GNRH1: variants seen among roughly 807,000 people sequenced by gnomAD.
GNRH1 encodes the protein gonadotropin releasing hormone 1.
Under a neutral mutation model 13.6 loss-of-function variants are expected in GNRH1, and 9 were observed. The observed-to-expected ratio is 0.66, with a 90% CI of 0.40 to 1.15. The LOEUF is 1.15. Ranked by LOEUF, GNRH1 falls within the 50% of genes most tolerant of loss-of-function variation. GNRH1 has a pLI of 0.01. For synonymous variants in GNRH1, 44 were observed against 40.1 expected, an observed-to-expected ratio of 1.10 and a Z score of -0.37; for missense variants, 116 against 110.8, an observed-to-expected ratio of 1.05 and a Z score of -0.21.
chr8:25,425,030 G>C (rs1056420502), upstream of GNRH1, among the ~76,000 whole-genome samples: 1 of 152,184 alleles, frequency 6.6e-6, no homozygotes, highest in Non-Finnish European at 1.5e-5. Flanking sequence ...GGAACAGAAA[G>C]ATGAGAAATT....
upstream of GNRH1, among the ~76,000 whole-genome samples, chr8:25,424,859 G>C (rs1336526337): frequency 5.9e-5 from 9 of 152,134 alleles, no homozygotes; most frequent in African/African-American, 2.2e-4. Context: ...CTACCCACCA[G>C]GTTCCCTGCT....
chr8:25,423,092 A>T, intron 2 of GNRH1, 98 bp downstream of exon 2: 2 of 937,788 alleles, frequency 2.1e-6, no homozygotes, highest in South Asian at 1.3e-5. Flanking sequence ...CTAGGGTACA[A>T]CATCATAGAA....
At chr8:25,423,471 C>G in intron 1 of GNRH1, 140 bp from the exon 2 acceptor site, 1 of 727,652 alleles carries the variant, frequency 1.4e-6, no homozygotes, top group Non-Finnish European at 2.3e-6. Context: ...TACATACAGA[C>G]ACTGAAACTC....
intron 2 of GNRH1, among the ~76,000 whole-genome samples, chr8:25,422,676 TA>T (rs1801788701): frequency 1.3e-5 from 2 of 152,242 alleles, no homozygotes; most frequent in African/African-American, 4.8e-5. Context: ...TTGAGTTTGC[TA>T]ATTCCTGTAT....
At chr8:25,423,154 T>G (rs1236624398) in intron 2 of GNRH1, 36 bp downstream of exon 2, 5 of 1,451,498 alleles carry the variant, frequency 3.4e-6, no homozygotes, top group Non-Finnish European at 4.8e-6. Context: ...TTGAATAAAA[T>G]CACTATGTCT....
chr8:25,425,021 G>A (rs1801824727), upstream of GNRH1, among the ~76,000 whole-genome samples: 1 of 152,108 alleles, frequency 6.6e-6, no homozygotes, highest in Admixed American at 6.5e-5. Flanking sequence ...AGGGCAGTGG[G>A]AACAGAAAGA....
intron 3 of GNRH1, among the ~76,000 whole-genome samples, chr8:25,420,528 A>G (rs1485804095): frequency 6.6e-6 from 1 of 152,214 alleles, no homozygotes; most frequent in East Asian, 1.9e-4. Context: ...TCCTAGGCAT[A>G]ACTGATCATT....
At chr8:25,423,537 C>T in intron 1 of GNRH1, 1 of 598,902 alleles carries the variant, frequency 1.7e-6, no homozygotes, top group South Asian at 2.0e-5. Context: ...AAAATGAGTA[C>T]TTAAGCTCAC....
At chr8:25,421,770 T>TTG in intron 2 of GNRH1, 102 bp from the exon 3 acceptor site, 21 of 171,566 alleles carry the variant, frequency 1.2e-4, no homozygotes, top group East Asian at 3.0e-4. Context: ...AAGGGGGATG[T>TTG]GGGGCTGGGG....
intron 3 of GNRH1, among the ~76,000 whole-genome samples, chr8:25,421,100 A>T (rs1462059029): frequency 6.6e-6 from 1 of 152,136 alleles, no homozygotes; most frequent in East Asian, 1.9e-4. Context: ...AAGAAGAGAA[A>T]AAAAAACCCA....
At chr8:25,421,311 C>G (rs1265570557) in intron 3 of GNRH1, among the ~76,000 whole-genome samples, 1 of 152,040 alleles carries the variant, frequency 6.6e-6, no homozygotes, top group African/African-American at 2.4e-5. Context: ...AAGCTAGAAC[C>G]AGGATTAAGA....
At chr8:25,420,542 T>A (rs372425302) in intron 3 of GNRH1, among the ~76,000 whole-genome samples, 12 of 152,304 alleles carry the variant, frequency 7.9e-5, no homozygotes, top group African/African-American at 2.9e-4. Flanking sequence ...GATCATTAAC[T>A]GTAATGCCTT....
chr8:25,420,345 TGGAGGTTGCATTGA>T (rs1371050586), intron 3 of GNRH1, among the ~76,000 whole-genome samples: 1 of 151,176 alleles, frequency 6.6e-6, no homozygotes, highest in Non-Finnish European at 1.5e-5. Flanking sequence ...ACCCAGGAGA[TGGAGGTTGCATTGA>T]GCCGAGATTG....
At position 25,419,380 on chromosome 8, in the gene GNRH1, G is replaced by A; in HGVS notation, c.*39C>T. The A allele has an allele frequency of 1.8e-6, 2 of 1,083,782 alleles. No individual in the cohort carries two copies. The highest frequency in any genetic ancestry group is 1.4e-6 in the Non-Finnish European group (1 of 695,472). The allele number at this position is 1,083,782 out of a possible 1,614,324, so 67.1% of individuals were successfully genotyped here. ...TTTTCAATGTCAGAATTATACTTAA[G>A]TCATGTTAGTAATGGTCATTCCTTC... On this transcript the variant is annotated 3_prime_UTR_variant, in exon 4 of 4. Coordinates refer to ENST00000421054, the MANE Select transcript of GNRH1 (RefSeq NM_001083111.2).
intron 2 of GNRH1, among the ~76,000 whole-genome samples, chr8:25,422,940 TCAGAG>T (rs1008788813): frequency 6.6e-6 from 1 of 152,168 alleles, no homozygotes; most frequent in African/African-American, 2.4e-5. Context: ...TCCCATACAC[TCAGAG>T]TATGACGTGC....
At chr8:25,419,952 T>A (rs949631434) in intron 3 of GNRH1, among the ~76,000 whole-genome samples, 1 of 152,028 alleles carries the variant, frequency 6.6e-6, no homozygotes, top group African/African-American at 2.4e-5. Context: ...TTAATATACA[T>A]AAAATCTACA....
chr8:25,420,034 C>T (rs939549787), intron 3 of GNRH1, among the ~76,000 whole-genome samples: 1 of 152,144 alleles, frequency 6.6e-6, no homozygotes, highest in Non-Finnish European at 1.5e-5. Flanking sequence ...GCTATTAAAC[C>T]AGCCTTTGCT....
upstream of GNRH1, chr8:25,424,583 G>A (rs1025698830): frequency 3.9e-5 from 6 of 152,172 alleles, no homozygotes; most frequent in African/African-American, 9.7e-5. Flanking sequence ...AAGGAAAATA[G>A]ATGTCTTAGA....
chr8:25,422,095 A>G (rs1442821575), intron 2 of GNRH1, among the ~76,000 whole-genome samples: 1 of 152,220 alleles, frequency 6.6e-6, no homozygotes, highest in Non-Finnish European at 1.5e-5. Context: ...AAGAGGCTTC[A>G]GATTCTGGGT....
Sources: gnomAD v4.1 joint callset for allele counts (sites outside exome capture counted in the v4.1 genomes callset) on GRCh38, gnomAD v4.1.1 for gene constraint, MANE v1.5 for transcripts, NCBI Gene and HGNC (gene_info 2026-07-23, HGNC 2026-07-21) for gene names.